The following HTR1E variants were observed in gnomAD, a reference collection of about 807,000 sequenced individuals.
HTR1E encodes 5-HT-1E.
Under a neutral mutation model 3.4 loss-of-function variants are expected in HTR1E, and 3 were observed. That is an observed-to-expected ratio of 0.89 (90% confidence interval 0.41 to 2.31). HTR1E has a LOEUF of 2.31. HTR1E is among the 30% of genes most tolerant of loss of function. HTR1E has a pLI of 0.05. For synonymous variants in HTR1E, 170 were observed against 182.8 expected (o/e 0.93, Z 0.56); for missense variants, 392 against 467.0 (o/e 0.84, Z 1.48).
At chr6:86,957,790 G>C (rs552504801) in intron 1 of HTR1E, among the ~76,000 whole-genome samples, 1 of 152,194 alleles carries the variant, frequency 6.6e-6, no homozygotes, top group East Asian at 1.9e-4. Flanking sequence ...AAAGGGCACA[G>C]TAAAGTAAAA....
intron 1 of HTR1E, among the ~76,000 whole-genome samples, chr6:86,973,996 T>G (rs1767595538): frequency 6.6e-6 from 1 of 152,230 alleles, no homozygotes; most frequent in Non-Finnish European, 1.5e-5. Flanking sequence ...CCTTCACCTC[T>G]GGTTGACCAG....
At chr6:86,945,489 C>T (rs975048281) in intron 1 of HTR1E, among the ~76,000 whole-genome samples, 16 of 151,958 alleles carry the variant, frequency 1.1e-4, no homozygotes, top group African/African-American at 2.9e-4. Flanking sequence ...ATGATTCGCC[C>T]GCCTCAGCCT....
At chr6:86,957,006 T>C (rs1767335766) in intron 1 of HTR1E, among the ~76,000 whole-genome samples, 2 of 152,258 alleles carry the variant, frequency 1.3e-5, no homozygotes, top group South Asian at 4.1e-4. Context: ...CTGGGTTCAA[T>C]GGCTAAGTTC....
intron 1 of HTR1E, among the ~76,000 whole-genome samples, chr6:86,980,393 A>AAAAAAAG (rs1554183088): frequency 7.3e-5 from 11 of 149,714 alleles, no homozygotes; most frequent in African/African-American, 2.7e-4. Context: ...TCTCAAAAAA[A>AAAAAAAG]AAAAAAAGAA....
chr6:86,958,056 C>T (rs1044644735), intron 1 of HTR1E, among the ~76,000 whole-genome samples: 1 of 143,122 alleles, frequency 7.0e-6, no homozygotes, highest in Non-Finnish European at 1.5e-5. Flanking sequence ...CCAATAGAGG[C>T]ATTTTTTTTT....
intron 1 of HTR1E, chr6:86,971,173 C>A: frequency 2.1e-6 from 1 of 480,514 alleles, no homozygotes; most frequent in Non-Finnish European, 4.1e-6. Flanking sequence ...ATCAACAGGC[C>A]TATTATGGGA....
chr6:86,948,099 G>T (rs1767151936), intron 1 of HTR1E, among the ~76,000 whole-genome samples: 1 of 152,172 alleles, frequency 6.6e-6, no homozygotes, highest in South Asian at 2.1e-4. Flanking sequence ...TGTTCTCATT[G>T]TTCAACTCCC....
At chr6:86,953,927 TAAAC>T (rs982100253) in intron 1 of HTR1E, among the ~76,000 whole-genome samples, 8 of 152,026 alleles carry the variant, frequency 5.3e-5, no homozygotes, top group African/African-American at 1.9e-4. Context: ...GCTGCACACT[TAAAC>T]AACCAGATCT....
At chr6:86,960,159 T>A (rs77681135) in intron 1 of HTR1E, among the ~76,000 whole-genome samples, 7,639 of 152,232 alleles carry the variant, frequency 0.05, 208 homozygotes, top group Middle Eastern at 0.071. Flanking sequence ...GTCCCACAGT[T>A]CTAGAAGCTG....
chr6:86,969,314 A>G (rs1056303269), intron 1 of HTR1E, among the ~76,000 whole-genome samples: 3 of 152,182 alleles, frequency 2.0e-5, no homozygotes, highest in Non-Finnish European at 4.4e-5. Context: ...TCAGAGAAAA[A>G]GTAGGGACAA....
In HTR1E at chr6:86,949,114, C is replaced by G. The variant is rs550380473; in HGVS notation, c.-186+11291C>G. 1.9e-4 allele frequency among the ~76,000 whole-genome samples: 29 copies of G among 152,246 alleles called. 1 individual carries two copies. Among genetic ancestry groups the G allele is most frequent in the African/African-American group, 6.7e-4 (28 of 41,536 alleles). ...TTAATAATCCAGAGATTTTTACCCT[C>G]TCAATTGATGAAAATGAGTTGTAGT... On this transcript the variant is annotated intron_variant, in intron 1 of 1. Coordinates refer to ENST00000305344, the MANE Select transcript of HTR1E (RefSeq NM_000865.3).
At chr6:86,959,935 A>G (rs1767381989) in intron 1 of HTR1E, among the ~76,000 whole-genome samples, 1 of 152,182 alleles carries the variant, frequency 6.6e-6, no homozygotes, top group African/African-American at 2.4e-5. Context: ...TAGTGCCACT[A>G]TATTCCTCAT....
chr6:86,952,273 C>G (rs1767255809), intron 1 of HTR1E, among the ~76,000 whole-genome samples: 2 of 152,122 alleles, frequency 1.3e-5, no homozygotes. Flanking sequence ...AGAAAACCAA[C>G]AAGCATCTCT....
chr6:86,974,027 C>T lies in HTR1E; in HGVS notation c.-186+36204C>T, dbSNP rs147215137. On this transcript the variant is annotated intron_variant, in intron 1 of 1. Coordinates refer to ENST00000305344, the MANE Select transcript of HTR1E (RefSeq NM_000865.3). ...ACCAGATCCTTCTATCCTTCAAGTT[C>T]CCATTCAAACATCTCCTTCTCCACA... is the stretch of plus-strand genomic sequence containing the variant. Among the ~76,000 whole-genome samples the T allele has an allele frequency of 4.2e-3, 635 of 151,888 alleles. 4 individuals carry two copies. The highest frequency in any genetic ancestry group is 0.015 in the African/African-American group (603 of 41,364).
At chr6:86,994,909 A>C (rs138507135) in intron 1 of HTR1E, among the ~76,000 whole-genome samples, 33 of 152,020 alleles carry the variant, frequency 2.2e-4, no homozygotes, top group African/African-American at 8.0e-4. Flanking sequence ...GGTAACACCA[A>C]CAGATGGGAT....
chr6:86,955,999 T>C (rs1344664543), intron 1 of HTR1E, among the ~76,000 whole-genome samples: 1 of 152,168 alleles, frequency 6.6e-6, no homozygotes, highest in Non-Finnish European at 1.5e-5. Flanking sequence ...CACCTCATTA[T>C]ACCCTTCTCT....
chr6:86,946,399 G>A (rs890924571), intron 1 of HTR1E, among the ~76,000 whole-genome samples: 2 of 152,210 alleles, frequency 1.3e-5, no homozygotes, highest in Admixed American at 1.3e-4. Flanking sequence ...TGGCTTTGTA[G>A]CCTAGAAGCA....
At chr6:86,957,215 C>T (rs968367065) in intron 1 of HTR1E, among the ~76,000 whole-genome samples, 2 of 152,180 alleles carry the variant, frequency 1.3e-5, no homozygotes, top group Admixed American at 1.3e-4. Flanking sequence ...TTTTTGCTGG[C>T]ATTTGTGAGA....
intron 1 of HTR1E, among the ~76,000 whole-genome samples, chr6:86,993,564 A>G (rs1448973526): frequency 6.8e-6 from 1 of 146,474 alleles, no homozygotes; most frequent in Non-Finnish European, 1.5e-5. Flanking sequence ...ACCAAGCACT[A>G]CCCAAAAAAA....
Sources: allele counts gnomAD v4.1 joint callset (sites outside exome capture counted in the v4.1 genomes callset), GRCh38; gene constraint gnomAD v4.1.1; transcripts MANE v1.5; gene names NCBI Gene and HGNC (gene_info 2026-07-23, HGNC 2026-07-21).